MSRA: variants seen among roughly 807,000 people sequenced by gnomAD.
The protein encoded by MSRA is methionine sulfoxide reductase A, also known as mitochondrial peptide methionine sulfoxide reductase.
MSRA carries 54 observed loss-of-function variants against 31.3 expected under a neutral mutation model. That is an observed-to-expected ratio of 1.73 (90% confidence interval 1.39 to 2.17). The LOEUF is 2.17. Among genes scored for constraint, MSRA ranks in the 30% most tolerant of loss-of-function variants. MSRA has a pLI of 0.00. For missense variants in MSRA, 507 were observed against 300.9 expected (o/e 1.69, Z -5.07); for synonymous variants, 169 against 116.5 (o/e 1.45, Z -2.90).
At chr8:10,216,747 A>G (rs1315145827) in intron 2 of MSRA, among the ~76,000 whole-genome samples, 1 of 152,236 alleles carries the variant, frequency 6.6e-6, no homozygotes. Context: ...TTGTGTATGA[A>G]AATTTCCTTC....
chr8:10,297,325 A>G (rs968825762), intron 3 of MSRA, among the ~76,000 whole-genome samples: 8 of 151,808 alleles, frequency 5.3e-5, no homozygotes, highest in African/African-American at 1.9e-4. Context: ...CATCCTTTTC[A>G]TTTTTTCTTT....
At chr8:10,059,233 A>C (rs1802566135) in intron 1 of MSRA, 1 of 152,218 alleles carries the variant, frequency 6.6e-6, no homozygotes, top group South Asian at 2.1e-4. Flanking sequence ...TGATGGAATA[A>C]ATTCCAGATA....
chr8:10,385,405 A>G (rs1017719094), intron 5 of MSRA, among the ~76,000 whole-genome samples: 1 of 152,244 alleles, frequency 6.6e-6, no homozygotes, highest in Non-Finnish European at 1.5e-5. Context: ...GAATCTGAGT[A>G]GAGTTTAGTC....
chr8:10,332,950 G>T (rs1802791217), intron 5 of MSRA, among the ~76,000 whole-genome samples: 3 of 152,208 alleles, frequency 2.0e-5, no homozygotes, highest in Admixed American at 1.3e-4. Flanking sequence ...CCTGGGTGGA[G>T]CCCCTGTGCA....
intron 5 of MSRA, among the ~76,000 whole-genome samples, chr8:10,405,557 C>G (rs1247652311): frequency 2.0e-5 from 3 of 152,164 alleles, no homozygotes; most frequent in Admixed American, 6.5e-5. Context: ...TTTCCTTTCT[C>G]TGGAACTTGG....
chr8:10,150,404 TATTA>T (rs1348748012), intron 1 of MSRA, among the ~76,000 whole-genome samples: 5 of 152,220 alleles, frequency 3.3e-5, no homozygotes, highest in East Asian at 1.9e-4. Context: ...TGCTGCATTA[TATTA>T]ATTATCTATT....
chr8:10,196,616 C>A (rs1296312105), intron 1 of MSRA, among the ~76,000 whole-genome samples: 1 of 152,246 alleles, frequency 6.6e-6, no homozygotes. Context: ...GTGGTGCAAT[C>A]TCGACTCATC....
intron 5 of MSRA, among the ~76,000 whole-genome samples, chr8:10,324,342 A>C (rs891696758): frequency 1.3e-5 from 2 of 152,170 alleles, no homozygotes; most frequent in East Asian, 3.8e-4. Context: ...TTGCATGCCC[A>C]TGTGCATTGT....
intron 5 of MSRA, among the ~76,000 whole-genome samples, chr8:10,371,044 C>A (rs1805446158): frequency 6.6e-6 from 1 of 152,198 alleles, no homozygotes; most frequent in Non-Finnish European, 1.5e-5. Flanking sequence ...ACATCCGAAT[C>A]CCCTGGAGAT....
At chr8:10,303,833 C>T (rs1484829039) in intron 4 of MSRA, among the ~76,000 whole-genome samples, 1 of 152,242 alleles carries the variant, frequency 6.6e-6, no homozygotes, top group Non-Finnish European at 1.5e-5. Context: ...GTTTCTATTA[C>T]ATGTAACAGT....
chr8:10,055,485 C>T (rs904626088), intron 1 of MSRA, among the ~76,000 whole-genome samples: 9 of 152,216 alleles, frequency 5.9e-5, no homozygotes, highest in Non-Finnish European at 1.2e-4. Flanking sequence ...TCTCAGAGTG[C>T]CCCCACCTGC....
intron 2 of MSRA, among the ~76,000 whole-genome samples, chr8:10,243,392 C>T (rs1168247150): frequency 1.3e-5 from 2 of 152,140 alleles, no homozygotes; most frequent in Admixed American, 1.3e-4. Context: ...CTCCCCTCAT[C>T]CCAAGGAATG....
intron 4 of MSRA, among the ~76,000 whole-genome samples, chr8:10,315,251 C>G (rs924358550): frequency 6.6e-5 from 10 of 152,166 alleles, no homozygotes; most frequent in African/African-American, 2.2e-4. Context: ...GGGACACAGT[C>G]AAACCATATC....
intron 1 of MSRA, among the ~76,000 whole-genome samples, chr8:10,157,627 CTAAAA>C (rs1219351779): frequency 4.0e-5 from 6 of 151,790 alleles, no homozygotes; most frequent in Non-Finnish European, 5.9e-5. Context: ...TTTTTACACT[CTAAAA>C]TAATAATAAT....
chr8:10,198,314 ATT>A (rs11367437), intron 1 of MSRA, among the ~76,000 whole-genome samples: 5 of 149,180 alleles, frequency 3.4e-5, no homozygotes, highest in East Asian at 2.0e-4. Context: ...ATACTTTATT[ATT>A]TTTTTTTTTG....
At chr8:10,194,256 C>G (rs919479306) in intron 1 of MSRA, among the ~76,000 whole-genome samples, 2 of 152,138 alleles carry the variant, frequency 1.3e-5, no homozygotes, top group Non-Finnish European at 2.9e-5. Flanking sequence ...TCTTAAAATC[C>G]TTCCCCCCCT....
intron 1 of MSRA, among the ~76,000 whole-genome samples, chr8:10,084,968 A>G (rs1798483812): frequency 6.6e-6 from 1 of 152,180 alleles, no homozygotes; most frequent in South Asian, 2.1e-4. Flanking sequence ...TTTAATACAA[A>G]ATTTCCTTTA....
At chr8:10,383,127 G>T (rs1806177047) in intron 5 of MSRA, among the ~76,000 whole-genome samples, 1 of 152,216 alleles carries the variant, frequency 6.6e-6, no homozygotes, top group Admixed American at 6.5e-5. Flanking sequence ...CCAGTTGATG[G>T]CAGAGTCAGG....
intron 3 of MSRA, among the ~76,000 whole-genome samples, chr8:10,293,717 C>T (rs139253754): frequency 2.0e-5 from 3 of 152,142 alleles, no homozygotes; most frequent in African/African-American, 7.2e-5. Context: ...TCCTCCCCTC[C>T]TGCTTCCTCC....
Sources: allele counts gnomAD v4.1 joint callset (sites outside exome capture counted in the v4.1 genomes callset), GRCh38; gene constraint gnomAD v4.1.1; transcripts MANE v1.5; gene names NCBI Gene and HGNC (gene_info 2026-07-23, HGNC 2026-07-21).